Variants in RBM19 observed in about 807,000 individuals in gnomAD.
RBM19 encodes the protein RNA binding motif protein 19.
Under a neutral mutation model 116.8 loss-of-function variants are expected in RBM19, and 94 were observed. That is an observed-to-expected ratio of 0.80 (90% confidence interval 0.68 to 0.95). The LOEUF (loss-of-function observed/expected upper bound fraction) is 0.95, where lower values mean the gene tolerates loss of function less well. RBM19 is among the 40% of genes least tolerant of loss of function. RBM19 has a pLI of 0.00. For synonymous variants in RBM19, 475 were observed against 494.1 expected (o/e 0.96, Z 0.51); for missense variants, 1,161 against 1,220.7 (o/e 0.95, Z 0.73).
rs910138983 is a variant in RBM19 at position 113,959,263 on chromosome 12, A to C, written c.520T>G (p.Ser174Ala). 6.8e-6 allele frequency: 11 copies of C among 1,613,488 alleles called. No homozygotes were observed. The highest frequency in any genetic ancestry group is 1.7e-5 in the Admixed American group (1 of 59,996). ...TCCTCACTCTCCTGCCCAGAATCGG[A>C]GTCGAAGTTCAGGTAGTCACTGGCC... ...KPASDYLNFD[S>A]DSGQESEEEG... The change falls in exon 5 of 24, where the codon TCC becomes GCC. Residue 174 changes from serine to alanine, a missense_variant. Coordinates refer to ENST00000261741, the MANE Select transcript of RBM19 (RefSeq NM_016196.4).
At chr12:113,927,821 A>G (rs922772170) in intron 16 of RBM19, among the ~76,000 whole-genome samples, 3 of 152,206 alleles carry the variant, frequency 2.0e-5, no homozygotes, top group Non-Finnish European at 4.4e-5. Flanking sequence ...ATTCAGAGTT[A>G]TGCATCACAG....
chr12:113,867,675 C>G (rs1400396928), intron 21 of RBM19, among the ~76,000 whole-genome samples: 1 of 152,170 alleles, frequency 6.6e-6, no homozygotes, highest in Non-Finnish European at 1.5e-5. Context: ...AATCCTAGCA[C>G]TCTGGGAGCC....
intron 16 of RBM19, among the ~76,000 whole-genome samples, chr12:113,931,253 C>T (rs1196462540): frequency 6.6e-6 from 1 of 152,072 alleles, no homozygotes; most frequent in African/African-American, 2.4e-5. Flanking sequence ...GATAATGGCC[C>T]TTCCCCCTCT....
chr12:113,922,274 C>T (rs1237648012), intron 18 of RBM19, among the ~76,000 whole-genome samples: 1 of 152,198 alleles, frequency 6.6e-6, no homozygotes, highest in Non-Finnish European at 1.5e-5. Context: ...ACAGACATCT[C>T]TGCTCCAACC....
At position 113,946,449 on chromosome 12, in the gene RBM19, A is replaced by G; in HGVS notation, c.1434T>C (p.Ser478=). 2 of 1,614,150 alleles carry G rather than the reference A, an allele frequency of 1.2e-6. No individual in the cohort carries two copies. Among genetic ancestry groups the G allele is most frequent in the Non-Finnish European group, 1.7e-6 (2 of 1,180,014 alleles). The change falls in exon 12 of 24, where the codon TCT becomes TCC. Residue 478 remains serine (S), a synonymous_variant. Transcript: ENST00000261741. Reference sequence around the variant, plus strand: ...CCTCGCTGGCTTCCTTCTTGATGGTAGATGGTAACACGTGGAGCATCCTGC... The same window carrying G: ...CCTCGCTGGCTTCCTTCTTGATGGTGGATGGTAACACGTGGAGCATCCTGC... ...FQGRMLHVLP[S]TIKKEASEDA... is the part of the protein sequence containing the mutation.
intron 23 of RBM19, among the ~76,000 whole-genome samples, chr12:113,833,907 C>T (rs994146847): frequency 5.3e-5 from 8 of 151,996 alleles, no homozygotes; most frequent in Non-Finnish European, 1.5e-5. Context: ...CCATGCCTGG[C>T]TAATTTTTAA....
At chr12:113,838,112 C>T (rs1414602682) in intron 23 of RBM19, among the ~76,000 whole-genome samples, 1 of 152,202 alleles carries the variant, frequency 6.6e-6, no homozygotes, top group Non-Finnish European at 1.5e-5. Flanking sequence ...CTGCAGGGGG[C>T]CAGAGCCTCT....
At chr12:113,925,318 G>T (rs902606263) in intron 17 of RBM19, among the ~76,000 whole-genome samples, 1 of 152,112 alleles carries the variant, frequency 6.6e-6, no homozygotes. Context: ...CCCAGGGGCC[G>T]GGGAGAAACT....
intron 23 of RBM19, 115 bp from the exon 24 acceptor site, chr12:113,823,436 T>G (rs1593444917): frequency 1.2e-6 from 1 of 814,712 alleles, no homozygotes; most frequent in Non-Finnish European, 2.0e-6. Flanking sequence ...AGAACAAGGG[T>G]GCGGGGAGAC....
At chr12:113,858,730 C>T (rs1878121647) in intron 22 of RBM19, 61 bp downstream of exon 22, 10 of 1,523,596 alleles carry the variant, frequency 6.6e-6, no homozygotes, top group Middle Eastern at 2.1e-4. Flanking sequence ...GGCTGTCTCT[C>T]CTACAATGGG....
intron 21 of RBM19, among the ~76,000 whole-genome samples, chr12:113,871,772 C>T (rs538113858): frequency 6.6e-6 from 1 of 152,318 alleles, no homozygotes; most frequent in Admixed American, 6.5e-5. Context: ...CTCAGGATTC[C>T]TTGCACTGGT....
chr12:113,949,066 G>C, intron 9 of RBM19, 30 bp from the exon 10 acceptor site: 1 of 1,588,532 alleles, frequency 6.3e-7, no homozygotes, highest in Non-Finnish European at 8.6e-7. Flanking sequence ...GGGCTCCAGG[G>C]GGAGGCCTAG....
At chr12:113,892,218 G>T (rs1176485558) in intron 21 of RBM19, among the ~76,000 whole-genome samples, 1 of 152,162 alleles carries the variant, frequency 6.6e-6, no homozygotes, top group African/African-American at 2.4e-5. Flanking sequence ...CTAGAACTCA[G>T]GCTCGGGCCT....
chr12:113,830,873 A>G (rs1419786042), intron 23 of RBM19, among the ~76,000 whole-genome samples: 2 of 152,226 alleles, frequency 1.3e-5, no homozygotes, highest in African/African-American at 4.8e-5. Context: ...GAAAGGGAGC[A>G]GCTGGTAACA....
chr12:113,896,959 CA>C (rs1291647919), intron 21 of RBM19, among the ~76,000 whole-genome samples: 1 of 152,178 alleles, frequency 6.6e-6, no homozygotes, highest in Non-Finnish European at 1.5e-5. Context: ...CCATCTCTGA[CA>C]GATGTGGCTG....
chr12:113,820,478 C>G (rs1874341896), downstream of RBM19, among the ~76,000 whole-genome samples: 2 of 152,062 alleles, frequency 1.3e-5, no homozygotes, highest in Non-Finnish European at 2.9e-5. Context: ...AGTGCAGGGT[C>G]AGGTGAGGTG....
At chr12:113,954,896 T>G (rs1871780267) in intron 7 of RBM19, among the ~76,000 whole-genome samples, 1 of 152,188 alleles carries the variant, frequency 6.6e-6, no homozygotes, top group East Asian at 1.9e-4. Flanking sequence ...GTGCCCACCC[T>G]GGTGTGGGTA....
At chr12:113,932,015 C>CTACT (rs1286439564) in intron 16 of RBM19, among the ~76,000 whole-genome samples, 4 of 152,188 alleles carry the variant, frequency 2.6e-5, no homozygotes, top group Non-Finnish European at 5.9e-5. Flanking sequence ...CAGAACAGAT[C>CTACT]TACTTGTGGG....
chr12:113,915,310 T>TGACCTTCATTTGA (rs1421565443), intron 20 of RBM19, among the ~76,000 whole-genome samples: 1 of 152,152 alleles, frequency 6.6e-6, no homozygotes, highest in Non-Finnish European at 1.5e-5. Flanking sequence ...GGGTGGCTGC[T>TGACCTTCATTTGA]GACCTTCATT....
Sources: gnomAD v4.1 joint callset for allele counts (sites outside exome capture counted in the v4.1 genomes callset) on GRCh38, gnomAD v4.1.1 for gene constraint, MANE v1.5 for transcripts, NCBI Gene and HGNC (gene_info 2026-07-23, HGNC 2026-07-21) for gene names.